The following ZFPM2 variants were observed in gnomAD, a reference collection of about 807,000 sequenced individuals.
The protein encoded by ZFPM2 is zinc finger protein ZFPM2.
ZFPM2 carries 20 observed loss-of-function variants against 98.6 expected under a neutral mutation model. The observed-to-expected ratio is 0.20, with a 90% CI of 0.14 to 0.29. The LOEUF is 0.29. Ranked by LOEUF, ZFPM2 falls within the 10% of genes least tolerant of loss-of-function variation. The pLI is 1.00. For missense variants in ZFPM2, 1,310 were observed against 1,388.6 expected (o/e 0.94, Z 0.90); for synonymous variants, 518 against 502.7 (o/e 1.03, Z -0.41).
At chr8:105,410,275 G>T (rs1366952367) in intron 1 of ZFPM2, among the ~76,000 whole-genome samples, 1 of 151,748 alleles carries the variant, frequency 6.6e-6, no homozygotes, top group Non-Finnish European at 1.5e-5. Flanking sequence ...TTTCATTCAT[G>T]TAACTGTATT....
chr8:105,688,510 G>A (rs1303257993), intron 5 of ZFPM2, among the ~76,000 whole-genome samples: 2 of 151,910 alleles, frequency 1.3e-5, no homozygotes, highest in Admixed American at 6.6e-5. Context: ...ACTTTTGGGT[G>A]GAAGAAATAA....
intron 5 of ZFPM2, among the ~76,000 whole-genome samples, chr8:105,698,773 TG>T (rs959249620): frequency 2.0e-5 from 3 of 152,200 alleles, no homozygotes; most frequent in Non-Finnish European, 4.4e-5. Flanking sequence ...AAAAATTATA[TG>T]GCTTTATGAT....
intron 3 of ZFPM2, among the ~76,000 whole-genome samples, chr8:105,493,025 T>C (rs2130438555): frequency 6.6e-6 from 1 of 152,338 alleles, no homozygotes; most frequent in East Asian, 1.9e-4. Flanking sequence ...ACTTGAGACC[T>C]CTATTACTTC....
At chr8:105,641,388 C>T (rs925487747) in intron 5 of ZFPM2, among the ~76,000 whole-genome samples, 1 of 151,946 alleles carries the variant, frequency 6.6e-6, no homozygotes, top group Non-Finnish European at 1.5e-5. Flanking sequence ...TTTCTGGTTA[C>T]GTTCTATTAA....
At chr8:105,584,444 G>A (rs1433555083) in intron 4 of ZFPM2, among the ~76,000 whole-genome samples, 1 of 152,118 alleles carries the variant, frequency 6.6e-6, no homozygotes, top group Non-Finnish European at 1.5e-5. Flanking sequence ...TGAGTAGGGG[G>A]TTTAGGCCTG....
intron 1 of ZFPM2, among the ~76,000 whole-genome samples, chr8:105,344,095 T>G (rs896324473): frequency 2.0e-5 from 3 of 152,038 alleles, no homozygotes; most frequent in African/African-American, 4.8e-5. Context: ...ATGAGACGTA[T>G]TCACTATCAC....
chr8:105,414,452 T>C (rs1048932350), intron 1 of ZFPM2, among the ~76,000 whole-genome samples: 1 of 152,084 alleles, frequency 6.6e-6, no homozygotes. Flanking sequence ...TAGAAAGTTA[T>C]TATTGAGACA....
intron 1 of ZFPM2, 49 bp downstream of exon 1, chr8:105,319,030 CG>C: frequency 1.4e-6 from 2 of 1,466,374 alleles, no homozygotes; most frequent in Admixed American, 4.4e-5. Context: ...TGCCCAGGAG[CG>C]GGGTGCGCGG....
chr8:105,505,228 A>G lies in ZFPM2; in HGVS notation c.302-56135A>G, dbSNP rs780999741. 2.0e-5 allele frequency among the ~76,000 whole-genome samples: 3 copies of G among 152,166 alleles called. No homozygotes were observed. The East Asian group carries it at 5.8e-4, about 29-fold the overall frequency. On this transcript the variant is annotated intron_variant, in intron 3 of 7. Transcript: ENST00000407775. ...ATTAAAAGATGTAATTTAAGGAGCA[A>G]ACTTGGTATAATCAAAGTGCACACA...
intron 1 of ZFPM2, among the ~76,000 whole-genome samples, chr8:105,370,669 T>A (rs77240963): frequency 0.014 from 2,093 of 152,320 alleles, 38 homozygotes; most frequent in African/African-American, 0.04. Context: ...GCACCACAGC[T>A]CCTCTTTTGA....
chr8:105,646,492 G>A (rs971478446), intron 5 of ZFPM2, among the ~76,000 whole-genome samples: 4 of 152,086 alleles, frequency 2.6e-5, no homozygotes, highest in African/African-American at 9.7e-5. Context: ...AGGCTTCTGC[G>A]GGGTCCCCTT....
In ZFPM2 at chr8:105,802,006, C is replaced by T. The variant is rs1417375026; in HGVS notation, c.1924C>T (p.His642Tyr). 2.5e-6 allele frequency: 4 copies of T among 1,613,638 alleles called. No individual in the cohort carries two copies. The African/African-American group carries it at 5.3e-5, about 22-fold the overall frequency. Residue 642 changes from histidine (H) to tyrosine (Y), a missense_variant, in exon 8 of 8, where the codon CAT (histidine) becomes TAT (tyrosine). Transcript: ENST00000407775. ...LDLIGPNGKG[H>Y]DKDFSTQTKK... ...TTTAATTGGGCCAAATGGGAAGGGC[C>T]ATGACAAGGACTTTTCCACTCAAAC...
At chr8:105,336,445 G>T (rs1812325955) in intron 1 of ZFPM2, among the ~76,000 whole-genome samples, 1 of 151,582 alleles carries the variant, frequency 6.6e-6, no homozygotes, top group African/African-American at 2.4e-5. Flanking sequence ...AATTTTAAAG[G>T]TCTTTGGTTT....
rs1586148670 is a variant in ZFPM2 at position 105,610,915 on chromosome 8, C to G, written c.421-23331C>G. On this transcript the variant is annotated intron_variant, in intron 4 of 7. Transcript: ENST00000407775. ...TAGTGACAAGTGATATGTAGGGAGG[C>G]CATGATACATGTAGAGCTACCAGAG... is the stretch of plus-strand genomic sequence containing the variant. Among the ~76,000 whole-genome samples the G allele has an allele frequency of 2.0e-5, 3 of 152,246 alleles. No homozygotes were observed. The South Asian group carries it at 6.2e-4, about 32-fold the overall frequency.
chr8:105,688,725 A>AT (rs1810805163), intron 5 of ZFPM2, among the ~76,000 whole-genome samples: 1 of 152,100 alleles, frequency 6.6e-6, no homozygotes, highest in Non-Finnish European at 1.5e-5. Flanking sequence ...TTTTCAAGGC[A>AT]TATGTTTTTG....
rs1245617141 is a variant in ZFPM2 at position 105,720,764 on chromosome 8, G to A, written c.533-67954G>A. Among the ~76,000 whole-genome samples the A allele has an allele frequency of 2.6e-5, 4 of 151,776 alleles. No homozygotes were observed. In the East Asian group the frequency reaches 5.9e-4, roughly 22 times the overall value. The stretch of plus-strand genomic sequence containing the variant: ...ATCCTAAAATAGATATATAGATAAG[G>A]CACAGAAGCTTACCAATAGCTCTAT... On this transcript the variant is annotated intron_variant, in intron 5 of 7. Coordinates refer to ENST00000407775, the MANE Select transcript of ZFPM2 (RefSeq NM_012082.4).
Position 105,554,731 on chromosome 8 carries a change from G to A in ZFPM2, c.302-6632G>A, listed in dbSNP as rs140545438. Among the ~76,000 whole-genome samples, 5 of 152,256 alleles carry A rather than the reference G, an allele frequency of 3.3e-5. No individual in the cohort carries two copies. In the East Asian group the frequency reaches 9.6e-4, roughly 29 times the overall value. ...TGCAGCTATGTCCTATGAAATCTGAGCCTTGAGTTAAGGGTCGTTCTGTAA... is the reference window on the plus strand; with the variant it reads ...TGCAGCTATGTCCTATGAAATCTGAACCTTGAGTTAAGGGTCGTTCTGTAA... On this transcript the variant is annotated intron_variant, in intron 3 of 7. Coordinates refer to ENST00000407775, the MANE Select transcript of ZFPM2 (RefSeq NM_012082.4).
chr8:105,704,663 T>A (rs531704835), intron 5 of ZFPM2, among the ~76,000 whole-genome samples: 1 of 152,284 alleles, frequency 6.6e-6, no homozygotes, highest in East Asian at 1.9e-4. Flanking sequence ...AAGATTCCAA[T>A]GACATATTTA....
chr8:105,668,481 T>C (rs1477879150), intron 5 of ZFPM2, among the ~76,000 whole-genome samples: 2 of 152,078 alleles, frequency 1.3e-5, no homozygotes, highest in Non-Finnish European at 2.9e-5. Flanking sequence ...CTTCAGGCAG[T>C]AGAAGTATCC....
Sources: allele counts gnomAD v4.1 joint callset (sites outside exome capture counted in the v4.1 genomes callset), GRCh38; gene constraint gnomAD v4.1.1; transcripts MANE v1.5; gene names NCBI Gene and HGNC (gene_info 2026-07-23, HGNC 2026-07-21).